Variants in SLC25A21 observed in about 807,000 individuals in gnomAD.
SLC25A21 encodes the protein solute carrier family 25 member 21.
SLC25A21 carries 47 observed loss-of-function variants against 43.8 expected under a neutral mutation model. The ratio of observed to expected loss-of-function variants is 1.07; its 90% CI spans 0.85 to 1.37. SLC25A21 has a LOEUF of 1.37. SLC25A21 is among the 40% of genes most tolerant of loss of function. The pLI is 0.00. For synonymous variants in SLC25A21, 131 were observed against 121.3 expected (o/e 1.08, Z -0.52); for missense variants, 352 against 350.2 (o/e 1.00, Z -0.04).
chr14:36,985,365 A>T (rs576072418), intron 1 of SLC25A21, among the ~76,000 whole-genome samples: 104 of 152,016 alleles, frequency 6.8e-4, no homozygotes, highest in African/African-American at 2.3e-3. Context: ...AGTATAATTT[A>T]AAAAAAATGT....
At chr14:36,695,565 T>C (rs1882981518) in intron 7 of SLC25A21, among the ~76,000 whole-genome samples, 1 of 152,228 alleles carries the variant, frequency 6.6e-6, no homozygotes, top group Non-Finnish European at 1.5e-5. Flanking sequence ...CTTCCATTTG[T>C]TTGTGTCCTC....
intron 3 of SLC25A21, among the ~76,000 whole-genome samples, chr14:36,771,965 A>G (rs759919921): frequency 2.0e-5 from 3 of 152,236 alleles, no homozygotes; most frequent in Non-Finnish European, 2.9e-5. Context: ...ATTGCTGATG[A>G]CCAACGAACA....
intron 1 of SLC25A21, among the ~76,000 whole-genome samples, chr14:36,953,879 T>TA (rs1227217858): frequency 6.6e-6 from 1 of 152,208 alleles, no homozygotes; most frequent in Admixed American, 6.5e-5. Flanking sequence ...AAGTGTATAT[T>TA]ATGTGCCAGA....
chr14:37,070,336 T>C (rs892073151), intron 1 of SLC25A21, among the ~76,000 whole-genome samples: 1 of 152,212 alleles, frequency 6.6e-6, no homozygotes, highest in Non-Finnish European at 1.5e-5. Flanking sequence ...GTAAACCTAT[T>C]TATATTTTCA....
chr14:36,843,906 A>C (rs1227895959), intron 2 of SLC25A21, among the ~76,000 whole-genome samples: 1 of 152,202 alleles, frequency 6.6e-6, no homozygotes, highest in Non-Finnish European at 1.5e-5. Context: ...CATGTCAGAG[A>C]GATCCCTAAC....
chr14:36,836,110 A>G (rs983398558), intron 2 of SLC25A21, among the ~76,000 whole-genome samples: 2 of 152,246 alleles, frequency 1.3e-5, no homozygotes, highest in Non-Finnish European at 2.9e-5. Context: ...ACAGGTATGA[A>G]GAATATGCGG....
chr14:36,686,596 A>G (rs1882557529), intron 7 of SLC25A21, among the ~76,000 whole-genome samples: 1 of 152,252 alleles, frequency 6.6e-6, no homozygotes, highest in African/African-American at 2.4e-5. Flanking sequence ...TAAAAGTGTT[A>G]TAAGTGTTGC....
At chr14:36,808,712 G>C (rs1170155924) in intron 3 of SLC25A21, among the ~76,000 whole-genome samples, 1 of 152,102 alleles carries the variant, frequency 6.6e-6, no homozygotes, top group Non-Finnish European at 1.5e-5. Flanking sequence ...AGGATTCTAT[G>C]TTGTGTTAAT....
At chr14:36,831,204 G>A (rs1889027061) in intron 2 of SLC25A21, among the ~76,000 whole-genome samples, 1 of 152,190 alleles carries the variant, frequency 6.6e-6, no homozygotes, top group Non-Finnish European at 1.5e-5. Flanking sequence ...AGCAGCTTAG[G>A]AAATGGATTT....
intron 1 of SLC25A21, among the ~76,000 whole-genome samples, chr14:36,991,205 T>C (rs1960255634): frequency 6.6e-6 from 1 of 152,218 alleles, no homozygotes. Flanking sequence ...TGTACAAAGC[T>C]GTTGACCACA....
intron 2 of SLC25A21, among the ~76,000 whole-genome samples, chr14:36,835,259 G>A (rs1594627812): frequency 6.6e-6 from 1 of 152,180 alleles, no homozygotes; most frequent in Non-Finnish European, 1.5e-5. Context: ...AAACACTTGT[G>A]TTATTATAAA....
At chr14:36,858,565 C>T (rs1284013720) in intron 2 of SLC25A21, among the ~76,000 whole-genome samples, 4 of 152,084 alleles carry the variant, frequency 2.6e-5, no homozygotes, top group Non-Finnish European at 5.9e-5. Flanking sequence ...AAATATTGAA[C>T]CCTGAGTTTG....
chr14:36,971,620 C>A (rs1288295264), intron 1 of SLC25A21, among the ~76,000 whole-genome samples: 1 of 151,986 alleles, frequency 6.6e-6, no homozygotes, highest in Non-Finnish European at 1.5e-5. Context: ...ACCTCTCTCT[C>A]AAAAAGGAGA....
At chr14:36,946,994 T>C (rs1892693757) in intron 1 of SLC25A21, among the ~76,000 whole-genome samples, 1 of 152,224 alleles carries the variant, frequency 6.6e-6, no homozygotes, top group South Asian at 2.1e-4. Context: ...AAGAAATTAC[T>C]TTATTCTATA....
intron 1 of SLC25A21, among the ~76,000 whole-genome samples, chr14:37,024,521 G>A (rs2138758804): frequency 6.6e-6 from 1 of 152,144 alleles, no homozygotes; most frequent in East Asian, 1.9e-4. Flanking sequence ...TCCACATGAA[G>A]TCTGCGTAGT....
chr14:36,830,900 C>T (rs1013115587), intron 2 of SLC25A21, among the ~76,000 whole-genome samples: 1 of 152,024 alleles, frequency 6.6e-6, no homozygotes, highest in Non-Finnish European at 1.5e-5. Flanking sequence ...CCCAGTTTCC[C>T]CTCTCTCTCA....
chr14:36,881,619 C>T (rs750245708), intron 1 of SLC25A21, among the ~76,000 whole-genome samples: 4 of 152,140 alleles, frequency 2.6e-5, no homozygotes, highest in African/African-American at 4.8e-5. Context: ...ACCTAGGTCA[C>T]AGAAAAGAGA....
intron 3 of SLC25A21, among the ~76,000 whole-genome samples, chr14:36,789,956 T>C (rs1279104284): frequency 1.5e-5 from 2 of 130,664 alleles, no homozygotes; most frequent in Non-Finnish European, 3.1e-5. Context: ...AATATGTATA[T>C]ATAAAATATG....
At chr14:37,114,606 T>C (rs554640233) in intron 1 of SLC25A21, among the ~76,000 whole-genome samples, 3 of 152,190 alleles carry the variant, frequency 2.0e-5, no homozygotes, top group African/African-American at 7.2e-5. Context: ...TATCAATATA[T>C]CATAGAATTT....
Sources: gnomAD v4.1 joint callset for allele counts (sites outside exome capture counted in the v4.1 genomes callset) on GRCh38, gnomAD v4.1.1 for gene constraint, MANE v1.5 for transcripts, NCBI Gene and HGNC (gene_info 2026-07-23, HGNC 2026-07-21) for gene names.